SULT2B1: variants seen among roughly 807,000 people sequenced by gnomAD.
The protein encoded by SULT2B1 is sulfotransferase 2B1.
A neutral mutation model predicts 33.2 loss-of-function variants in SULT2B1; 16 were observed. The ratio of observed to expected loss-of-function variants is 0.48; its 90% CI spans 0.33 to 0.73. The LOEUF is 0.73. Among genes scored for constraint, SULT2B1 ranks in the 30% least tolerant of loss-of-function variants. The pLI, the probability that SULT2B1 is intolerant of heterozygous loss-of-function variation, is 0.02. For missense variants in SULT2B1, 500 were observed against 506.0 expected, an observed-to-expected ratio of 0.99 and a Z score of 0.11; for synonymous variants, 186 against 200.5, an observed-to-expected ratio of 0.93 and a Z score of 0.61.
rs1479363064 is a variant in SULT2B1, at chr19:48,587,289, T to C, written c.275T>C (p.Ile92Thr). Reference protein sequence around the residue: ...LILKEGDPSWIRSVPIWERAP... With the variant: ...LILKEGDPSWTRSVPIWERAP... Reference sequence around the variant, plus strand: ...CTGAAGGAAGGGGATCCATCCTGGATCCGCTCCGTGCCCATCTGGGAGCGG... The same window carrying C: ...CTGAAGGAAGGGGATCCATCCTGGACCCGCTCCGTGCCCATCTGGGAGCGG... Residue 92 changes from isoleucine to threonine, a missense_variant, in exon 3 of 7, where the codon ATC becomes ACC. Ile to Thr is a moderately conservative substitution (Grantham distance 89, BLOSUM62 -1). Transcript: ENST00000201586. The C allele has an allele frequency of 1.9e-6, 3 of 1,613,886 alleles. No homozygotes were observed. In the East Asian group the frequency reaches 6.7e-5, roughly 36 times the overall value.
At chr19:48,589,059 C>T (rs1289699856) in intron 3 of SULT2B1, among the ~76,000 whole-genome samples, 2 of 152,176 alleles carry the variant, frequency 1.3e-5, no homozygotes, top group Non-Finnish European at 2.9e-5. Flanking sequence ...TAGGCTTCAC[C>T]GGCGCCCTCT....
chr19:48,584,035 C>T (rs4080469), intron 2 of SULT2B1, among the ~76,000 whole-genome samples: 34,195 of 151,834 alleles, frequency 0.23, 4,943 homozygotes, highest in African/African-American at 0.42. Flanking sequence ...TCACTTGAAC[C>T]CGGGAGGTGG....
intron 3 of SULT2B1, among the ~76,000 whole-genome samples, chr19:48,588,860 G>T (rs1185316564): frequency 6.6e-6 from 1 of 152,154 alleles, no homozygotes; most frequent in Non-Finnish European, 1.5e-5. Context: ...TATCTGAGGT[G>T]CAAGAGGGAG....
chr19:48,576,932 C>T (rs956531124), intron 2 of SULT2B1, among the ~76,000 whole-genome samples: 2 of 151,472 alleles, frequency 1.3e-5, no homozygotes, highest in African/African-American at 2.4e-5. Context: ...TGAGCCACCG[C>T]GCCTGGCTAA....
At chr19:48,571,655 AT>A (rs5828355) in intron 1 of SULT2B1, among the ~76,000 whole-genome samples, 97,194 of 149,894 alleles carry the variant, frequency 0.65, 31,960 homozygotes, top group African/African-American at 0.76. Context: ...AAAACACCAG[AT>A]TTTTTTAAAT....
At chr19:48,588,945 G>A (rs929207037) in intron 3 of SULT2B1, among the ~76,000 whole-genome samples, 2 of 152,186 alleles carry the variant, frequency 1.3e-5, no homozygotes. Context: ...GGCAACAGGG[G>A]CCAAAATGTG....
intron 2 of SULT2B1, among the ~76,000 whole-genome samples, chr19:48,583,726 G>A: frequency 6.6e-6 from 1 of 152,220 alleles, no homozygotes; most frequent in East Asian, 1.9e-4. Flanking sequence ...GCTGAGGCAT[G>A]AGAATGGCTG....
intron 2 of SULT2B1, among the ~76,000 whole-genome samples, chr19:48,586,417 G>A (rs147312846): frequency 5.3e-5 from 8 of 152,266 alleles, no homozygotes; most frequent in Non-Finnish European, 2.9e-5. Context: ...GCCATCCCCG[G>A]GAGTCCCAGA....
intron 1 of SULT2B1, among the ~76,000 whole-genome samples, chr19:48,568,212 G>A (rs1973269319): frequency 6.6e-6 from 1 of 151,652 alleles, no homozygotes. Context: ...GCCGGAGGGT[G>A]GAGGTCGAGG....
intron 1 of SULT2B1, among the ~76,000 whole-genome samples, chr19:48,557,917 C>G (rs1973121916): frequency 6.6e-6 from 1 of 151,720 alleles, no homozygotes; most frequent in Non-Finnish European, 1.5e-5. Flanking sequence ...GAAACTCTGT[C>G]TCAAAAAATA....
intron 1 of SULT2B1, among the ~76,000 whole-genome samples, chr19:48,569,252 GA>G (rs1231793263): frequency 6.6e-6 from 1 of 150,946 alleles, no homozygotes; most frequent in Non-Finnish European, 1.5e-5. Context: ...TGAGGCAGCA[GA>G]ATGGCGTGAA....
Position 48,596,901 on chromosome 19 carries a change from G to A in SULT2B1, c.808G>A (p.Gly270Arg), listed in dbSNP as rs1270062789. The A allele has an allele frequency of 4.4e-6, 7 of 1,599,144 alleles. No homozygotes were observed. The highest frequency in any genetic ancestry group is 1.7e-5 in the Admixed American group (1 of 58,920). Reference sequence around the variant, plus strand: ...TCCCAGCCTGCTGGACCACCGTCGCGGGGCCTTCCTCCGGAAAGGTGCGGG... The same window carrying A: ...TCCCAGCCTGCTGGACCACCGTCGCAGGGCCTTCCTCCGGAAAGGTGCGGG... ...LPPSLLDHRR[G>R]AFLRKGVCGD... Residue 270 changes from glycine (G) to arginine (R), a missense_variant, in exon 6 of 7, where the codon GGG becomes AGG. By Grantham distance (125) the Gly-to-Arg change is moderately radical. Transcript: ENST00000201586.
At chr19:48,590,774 G>A (rs1023945656) in intron 3 of SULT2B1, among the ~76,000 whole-genome samples, 1 of 152,122 alleles carries the variant, frequency 6.6e-6, no homozygotes, top group Non-Finnish European at 1.5e-5. Context: ...CAGCAGCCAC[G>A]TTTCTCTAAG....
chr19:48,562,234 A>G (rs1973191829), intron 1 of SULT2B1, among the ~76,000 whole-genome samples: 1 of 152,066 alleles, frequency 6.6e-6, no homozygotes, highest in Non-Finnish European at 1.5e-5. Flanking sequence ...TAAAAATACA[A>G]AAAATTAGCC....
chr19:48,593,658 G>C (rs1223926050), intron 5 of SULT2B1, among the ~76,000 whole-genome samples: 1 of 151,494 alleles, frequency 6.6e-6, no homozygotes, highest in Non-Finnish European at 1.5e-5. Context: ...TTTTGAGACA[G>C]AGTTTCGCTC....
rs1261542715 is a variant in SULT2B1 at position 48,568,669 on chromosome 19, C to T, written c.72-7272C>T. On this transcript the variant is annotated intron_variant, in intron 1 of 6. Transcript: ENST00000201586. The stretch of plus-strand genomic sequence containing the variant: ...TGCTTGGCGCGTCCTGGGAGTGAAG[C>T]GCATTGAACCCAGCTCAGGCTGGTG... Among the ~76,000 whole-genome samples, 3 of 152,294 alleles carry T rather than the reference C, an allele frequency of 2.0e-5. 1 individual carries two copies. Among genetic ancestry groups the T allele is most frequent in the South Asian group, 4.1e-4 (2 of 4,824 alleles).
intron 6 of SULT2B1, 32 bp downstream of exon 6, chr19:48,596,951 G>A: frequency 6.5e-7 from 1 of 1,543,832 alleles, no homozygotes; most frequent in Non-Finnish European, 8.7e-7. Context: ...GAGCCCACTA[G>A]GCCACTGCCC....
chr19:48,562,688 T>C (rs1973197540), intron 1 of SULT2B1, among the ~76,000 whole-genome samples: 1 of 152,204 alleles, frequency 6.6e-6, no homozygotes, highest in Non-Finnish European at 1.5e-5. Flanking sequence ...TATTTATTTA[T>C]TTATTTTTTG....
At chr19:48,583,814 TCAAA>T (rs138855132) in intron 2 of SULT2B1, among the ~76,000 whole-genome samples, 21,020 of 144,630 alleles carry the variant, frequency 0.15, 1,977 homozygotes, top group East Asian at 0.44. Flanking sequence ...CCAGACTGTC[TCAAA>T]CAAACAAACA....
Sources: gnomAD v4.1 joint callset for allele counts (sites outside exome capture counted in the v4.1 genomes callset) on GRCh38, gnomAD v4.1.1 for gene constraint, MANE v1.5 for transcripts, NCBI Gene and HGNC (gene_info 2026-07-23, HGNC 2026-07-21) for gene names.